GALNT18: variants seen among roughly 807,000 people sequenced by gnomAD.
The protein encoded by GALNT18 is polypeptide N-acetylgalactosaminyltransferase 18.
A neutral mutation model predicts 69.5 loss-of-function variants in GALNT18; 44 were observed. The observed-to-expected ratio is 0.63, with a 90% CI of 0.50 to 0.81. The LOEUF (loss-of-function observed/expected upper bound fraction) is 0.81. Among genes scored for constraint, GALNT18 ranks in the 40% least tolerant of loss-of-function variants. The pLI is 0.00. For synonymous variants in GALNT18, 364 were observed against 318.2 expected, an observed-to-expected ratio of 1.14 and a Z score of -1.53; for missense variants, 715 against 810.0, an observed-to-expected ratio of 0.88 and a Z score of 1.42.
chr11:11,431,687 A>G (rs1354314625), intron 3 of GALNT18, among the ~76,000 whole-genome samples: 3 of 152,186 alleles, frequency 2.0e-5, no homozygotes, highest in African/African-American at 4.8e-5. Context: ...TTAATTGACA[A>G]CAAATCACAA....
At chr11:11,581,987 G>A (rs1859099373) in intron 1 of GALNT18, among the ~76,000 whole-genome samples, 1 of 151,946 alleles carries the variant, frequency 6.6e-6, no homozygotes, top group Admixed American at 6.6e-5. Context: ...ACAGTTTACT[G>A]GAAGAGAAAG....
At chr11:11,501,697 G>A (rs1489776238) in intron 1 of GALNT18, among the ~76,000 whole-genome samples, 1 of 152,108 alleles carries the variant, frequency 6.6e-6, no homozygotes, top group Non-Finnish European at 1.5e-5. Flanking sequence ...AGAAGACCTG[G>A]AACAAATGTT....
chr11:11,476,875 C>T (rs1487731597), intron 1 of GALNT18, among the ~76,000 whole-genome samples: 1 of 152,192 alleles, frequency 6.6e-6, no homozygotes, highest in South Asian at 2.1e-4. Flanking sequence ...CAGTGCATGA[C>T]ACTTCAAAGA....
At position 11,404,198 on chromosome 11, in the gene GALNT18, A is replaced by G. The variant is rs1382960438; in HGVS notation, c.596-24934T>C. On this transcript the variant is annotated intron_variant, in intron 3 of 10. Transcript: ENST00000227756. The surrounding 1 kb of genome is among the most constrained non-coding windows in gnomAD (Gnocchi z 4.5). ...AGTGTCTAGGGGAGTTCATGCGTGC[A>G]CGGCATGGAGCCAATTATCGCTGCT... Among the ~76,000 whole-genome samples the G allele has an allele frequency of 3.3e-5, 5 of 152,212 alleles. No homozygotes were observed. Among genetic ancestry groups the G allele is most frequent in the Non-Finnish European group, 7.3e-5 (5 of 68,038 alleles).
At chr11:11,593,103 C>CG (rs915585664) in intron 1 of GALNT18, among the ~76,000 whole-genome samples, 6 of 152,176 alleles carry the variant, frequency 3.9e-5, no homozygotes, top group Admixed American at 3.9e-4. Flanking sequence ...TTAGTGGAGA[C>CG]GGGGTTTCAC....
Position 11,332,751 on chromosome 11 carries a change from G to T in GALNT18, c.1359C>A (p.Tyr453Ter). 6.2e-7 allele frequency: 1 copy of T among 1,614,074 alleles called. No homozygotes were observed. Among genetic ancestry groups the T allele is most frequent in the Non-Finnish European group, 8.5e-7 (1 of 1,179,994 alleles). The change falls in exon 8 of 11, where the codon TAC (tyrosine) becomes TAA (stop). Residue 453 changes from tyrosine (Y) to a stop codon, truncating the protein, a stop_gained. Transcript: ENST00000227756. LOFTEE classifies it high-confidence loss of function. The surrounding 1 kb of genome is among the most constrained non-coding windows in gnomAD (Gnocchi z 4.3). The part of the protein sequence containing the change: ...KQLQCKTFRW[Y>*]LVSVYPEMRM... The stretch of plus-strand genomic sequence containing the variant: ...TCATCTCTGGGTACACGCTGACCAG[G>T]TACCACCGGAAGGTCTTGCACTGCA...
chr11:11,379,329 A>G (rs1853853181), intron 3 of GALNT18, 65 bp from the exon 4 acceptor site: 1 of 1,468,834 alleles, frequency 6.8e-7, no homozygotes, highest in Non-Finnish European at 9.3e-7. Flanking sequence ...GGCAATCACA[A>G]CAGTCACTCT....
chr11:11,409,895 T>C (rs1335030514), intron 3 of GALNT18, among the ~76,000 whole-genome samples: 2 of 152,186 alleles, frequency 1.3e-5, no homozygotes, highest in African/African-American at 4.8e-5. Context: ...TAAACAAAGA[T>C]TAATACACAG....
chr11:11,406,300 G>A (rs990086269), intron 3 of GALNT18, among the ~76,000 whole-genome samples: 1 of 152,202 alleles, frequency 6.6e-6, no homozygotes, highest in African/African-American at 2.4e-5. Flanking sequence ...CATAATGTCT[G>A]CAGTTTCTAC....
In GALNT18 at chr11:11,480,291, C is replaced by T. The variant is rs1181640202; in HGVS notation, c.236-31355G>A. On this transcript the variant is annotated intron_variant, in intron 1 of 10. Coordinates refer to ENST00000227756, the MANE Select transcript of GALNT18 (RefSeq NM_198516.3). The surrounding 1 kb of genome is among the most constrained non-coding windows in gnomAD (Gnocchi z 4.6). ...TTCTCTCTCTCTCGCCCCCCTCGCCCCAACCTCAGTCATATCCCAATAACT... is the reference window on the plus strand; with the variant it reads ...TTCTCTCTCTCTCGCCCCCCTCGCCTCAACCTCAGTCATATCCCAATAACT... Among the ~76,000 whole-genome samples, 1 of 152,022 alleles carries T rather than the reference C, an allele frequency of 6.6e-6. No homozygotes were observed. The highest frequency in any genetic ancestry group is 6.5e-5 in the Admixed American group (1 of 15,272).
At chr11:11,471,831 TG>T (rs1856277350) in intron 1 of GALNT18, among the ~76,000 whole-genome samples, 1 of 152,362 alleles carries the variant, frequency 6.6e-6, no homozygotes, top group Non-Finnish European at 1.5e-5. Context: ...CCTTGGCTCC[TG>T]CCCTGCCCAG....
At chr11:11,325,588 C>T (rs1217313639) in intron 9 of GALNT18, among the ~76,000 whole-genome samples, 1 of 151,870 alleles carries the variant, frequency 6.6e-6, no homozygotes, top group Non-Finnish European at 1.5e-5. Context: ...TTATATAGTC[C>T]TATTTATGTA....
intron 1 of GALNT18, among the ~76,000 whole-genome samples, chr11:11,529,850 G>A (rs1219257573): frequency 6.6e-6 from 1 of 152,130 alleles, no homozygotes. Context: ...GTGTGTACAT[G>A]ACTGTATGTC....
intron 3 of GALNT18, among the ~76,000 whole-genome samples, chr11:11,405,332 T>C (rs1486426806): frequency 6.6e-6 from 1 of 152,224 alleles, no homozygotes; most frequent in Non-Finnish European, 1.5e-5. Context: ...ACACTTATAT[T>C]GTTTTTAAGA....
At position 11,619,291 on chromosome 11, in the gene GALNT18, A is replaced by AC. The variant is rs1220465642; in HGVS notation, c.235+2067dup. Among the ~76,000 whole-genome samples the AC allele has an allele frequency of 6.6e-6, 1 of 152,044 alleles. No homozygotes were observed. Among genetic ancestry groups the AC allele is most frequent in the Non-Finnish European group, 1.5e-5 (1 of 68,022 alleles). On this transcript the variant is annotated intron_variant, in intron 1 of 10. Transcript: ENST00000227756. This position sits in a 1 kb window ranked among gnomAD's most constrained non-coding sequence, Gnocchi z 4.9. ...AAGTGGAACAACACGTGTTTTAGGG[A>AC]CCCTGTCTCCTATTTTTTTAACCTA...
Position 11,341,778 on chromosome 11 carries a change from A to G in GALNT18, c.1093-774T>C, listed in dbSNP as rs1850212285. Among the ~76,000 whole-genome samples, 1 of 151,900 alleles carries G rather than the reference A, an allele frequency of 6.6e-6. No homozygotes were observed. Among genetic ancestry groups the G allele is most frequent in the Non-Finnish European group, 1.5e-5 (1 of 68,004 alleles). On this transcript the variant is annotated intron_variant, in intron 6 of 10. Coordinates refer to ENST00000227756, the MANE Select transcript of GALNT18 (RefSeq NM_198516.3). This position sits in a 1 kb window ranked among gnomAD's most constrained non-coding sequence, Gnocchi z 6.3. Reference sequence around the variant, plus strand: ...GCTCCATTCTGCTGGTAATTTTAGAATGCCCCACTGCCCCCAACTCCTTCT... The same window carrying G: ...GCTCCATTCTGCTGGTAATTTTAGAGTGCCCCACTGCCCCCAACTCCTTCT...
At chr11:11,420,868 G>T (rs2133773800) in intron 3 of GALNT18, among the ~76,000 whole-genome samples, 1 of 152,222 alleles carries the variant, frequency 6.6e-6, no homozygotes, top group Non-Finnish European at 1.5e-5. Flanking sequence ...CCAGTTTGGG[G>T]ACTTTCCCTG....
intron 10 of GALNT18, among the ~76,000 whole-genome samples, chr11:11,281,367 G>A (rs529291549): frequency 3.3e-5 from 5 of 152,308 alleles, no homozygotes; most frequent in African/African-American, 1.2e-4. Context: ...ATAGGAATCC[G>A]TTTATCAGCT....
chr11:11,329,905 T>C (rs10741545), intron 8 of GALNT18, among the ~76,000 whole-genome samples: 135,877 of 152,236 alleles, frequency 0.89, 61,338 homozygotes, highest in East Asian at 0.99. Context: ...ATATGCCCTA[T>C]GAAATGGCAT....
Sources: gnomAD v4.1 joint callset for allele counts (sites outside exome capture counted in the v4.1 genomes callset) on GRCh38, gnomAD v4.1.1 for gene constraint, Gnocchi (gnomAD v3.1) non-coding constraint, MANE v1.5 for transcripts, NCBI Gene and HGNC (gene_info 2026-07-23, HGNC 2026-07-21) for gene names.